Variants in THEMIS observed in about 807,000 individuals in gnomAD.
THEMIS encodes protein THEMIS.
THEMIS carries 37 observed loss-of-function variants against 52.6 expected under a neutral mutation model. That is an observed-to-expected ratio of 0.70 (90% CI 0.54 to 0.93). THEMIS has a LOEUF of 0.93. Ranked by LOEUF, THEMIS falls within the 40% of genes least tolerant of loss-of-function variation. The pLI, the probability that THEMIS is intolerant of heterozygous loss-of-function variation, is 0.00. For missense variants in THEMIS, 808 were observed against 763.1 expected, an observed-to-expected ratio of 1.06 and a Z score of -0.69; for synonymous variants, 292 against 272.7, an observed-to-expected ratio of 1.07 and a Z score of -0.70.
chr6:127,714,905 T>C (rs1269859154), intron 5 of THEMIS, among the ~76,000 whole-genome samples: 1 of 151,876 alleles, frequency 6.6e-6, no homozygotes, highest in Non-Finnish European at 1.5e-5. Flanking sequence ...GCTGATGAGA[T>C]CTCCCATTGG....
intron 4 of THEMIS, among the ~76,000 whole-genome samples, chr6:127,776,956 C>T (rs994186835): frequency 1.3e-5 from 2 of 151,976 alleles, no homozygotes; most frequent in Non-Finnish European, 2.9e-5. Flanking sequence ...CCCTAAAGTC[C>T]ATTTTATATG....
In THEMIS at chr6:127,813,180, GTC is replaced by G. The variant is rs764985194; in HGVS notation, c.1459_1460del (p.Asp487LeufsTer7). 2.0e-5 allele frequency: 32 copies of G among 1,613,976 alleles called. No homozygotes were observed. Among genetic ancestry groups the G allele is most frequent in the Non-Finnish European group, 2.6e-5 (31 of 1,180,022 alleles). On this transcript the variant is annotated frameshift_variant, in exon 4 of 6. Transcript: ENST00000368248. LOFTEE classifies it high-confidence loss of function. ...PGLQLEEDITDSYLLISDFAN... is the reference protein window; with the variant it reads ...PGLQLEEDITXSYLLISDFAN... ...CAAAGTCACTTATGAGTAGGTAAGA[GTC>G]TGTAATGTCCTCCTCCAACTGCAGT...
At chr6:127,785,218 T>TC (rs1776898992) in intron 4 of THEMIS, among the ~76,000 whole-genome samples, 1 of 81,464 alleles carries the variant, frequency 1.2e-5, no homozygotes, top group African/African-American at 5.1e-5. Context: ...CTATTATCTA[T>TC]CTTATCTATC....
chr6:127,816,501 C>T (rs1243294108), intron 3 of THEMIS, among the ~76,000 whole-genome samples: 1 of 152,194 alleles, frequency 6.6e-6, no homozygotes, highest in Admixed American at 6.5e-5. Context: ...TTCCCAGACT[C>T]AGCTATTGGA....
intron 4 of THEMIS, among the ~76,000 whole-genome samples, chr6:127,729,852 G>T (rs1192298041): frequency 6.6e-6 from 1 of 152,150 alleles, no homozygotes; most frequent in Non-Finnish European, 1.5e-5. Flanking sequence ...ATCCAAACAG[G>T]AAAAGTATAT....
chr6:127,855,948 A>G (rs975318697), intron 1 of THEMIS, among the ~76,000 whole-genome samples: 2 of 151,952 alleles, frequency 1.3e-5, no homozygotes, highest in Non-Finnish European at 2.9e-5. Context: ...CAGAGGCAAA[A>G]ATTCTGGATA....
intron 2 of THEMIS, among the ~76,000 whole-genome samples, chr6:127,831,059 T>C (rs943111746): frequency 1.3e-5 from 2 of 152,222 alleles, no homozygotes; most frequent in African/African-American, 4.8e-5. Flanking sequence ...GACTGACTGC[T>C]CTTGACTATA....
At chr6:127,870,219 T>A (rs1286659263) in intron 1 of THEMIS, among the ~76,000 whole-genome samples, 1 of 152,104 alleles carries the variant, frequency 6.6e-6, no homozygotes, top group East Asian at 1.9e-4. Context: ...CCGCATGATG[T>A]AAGGGGTGGC....
chr6:127,798,033 G>A (rs571823404), intron 4 of THEMIS, among the ~76,000 whole-genome samples: 2 of 152,188 alleles, frequency 1.3e-5, no homozygotes, highest in Admixed American at 6.5e-5. Context: ...GTGTACATAC[G>A]CATATGTGTT....
chr6:127,902,138 A>C (rs1221396196), upstream of THEMIS, among the ~76,000 whole-genome samples: 2 of 151,724 alleles, frequency 1.3e-5, no homozygotes, highest in Non-Finnish European at 2.9e-5. Context: ...CAGCCTGGGC[A>C]ACATAGTGAG....
chr6:127,821,499 G>A (rs932536840), intron 3 of THEMIS, among the ~76,000 whole-genome samples: 5 of 151,994 alleles, frequency 3.3e-5, no homozygotes, highest in African/African-American at 1.2e-4. Flanking sequence ...TATCCTTGCT[G>A]GGTATGTTTT....
intron 4 of THEMIS, among the ~76,000 whole-genome samples, chr6:127,794,250 T>C (rs1353730164): frequency 6.6e-6 from 1 of 152,198 alleles, no homozygotes; most frequent in East Asian, 1.9e-4. Flanking sequence ...GGACTTTCTG[T>C]TTCCATTCTT....
chr6:127,874,499 T>C (rs138687703), intron 1 of THEMIS, among the ~76,000 whole-genome samples: 129 of 152,328 alleles, frequency 8.5e-4, no homozygotes, highest in African/African-American at 2.9e-3. Context: ...CATACCTAAT[T>C]TTCTTAGTTT....
intron 4 of THEMIS, among the ~76,000 whole-genome samples, chr6:127,760,201 T>C (rs1325132531): frequency 1.3e-5 from 2 of 152,072 alleles, no homozygotes; most frequent in African/African-American, 4.8e-5. Context: ...CATATATGTG[T>C]AGATTTACTT....
In THEMIS at chr6:127,836,923, G is replaced by T. The variant is rs753128829; in HGVS notation, c.251-6989C>A. On this transcript the variant is annotated intron_variant, in intron 2 of 5. Coordinates refer to ENST00000368248, the MANE Select transcript of THEMIS (RefSeq NM_001010923.3). The stretch of plus-strand genomic sequence containing the variant: ...AGATGAATTTCTTCAGAGCACTGGG[G>T]GGTCTCGTGCAAGTAACTCCTATGG... Among the ~76,000 whole-genome samples, 44 of 152,190 alleles carry T rather than the reference G, an allele frequency of 2.9e-4. No homozygotes were observed. In the South Asian group the frequency reaches 3.5e-3, roughly 12 times the overall value.
chr6:127,861,083 A>G (rs1388812974), intron 1 of THEMIS, among the ~76,000 whole-genome samples: 1 of 152,250 alleles, frequency 6.6e-6, no homozygotes, highest in East Asian at 1.9e-4. Flanking sequence ...TTGATCAAAT[A>G]TTTCCCATAT....
chr6:127,849,040 A>T (rs1779325641), intron 2 of THEMIS, among the ~76,000 whole-genome samples: 6 of 152,052 alleles, frequency 3.9e-5, no homozygotes, highest in Admixed American at 3.9e-4. Flanking sequence ...GTTTTCTTCT[A>T]GGGTTTTTAT....
chr6:127,763,815 G>A (rs1158347633), intron 4 of THEMIS, among the ~76,000 whole-genome samples: 1 of 151,834 alleles, frequency 6.6e-6, no homozygotes, highest in East Asian at 1.9e-4. Context: ...TGAAACTGAT[G>A]ATATTTTGTA....
chr6:127,732,222 A>T (rs181534070), intron 4 of THEMIS, among the ~76,000 whole-genome samples: 4 of 152,000 alleles, frequency 2.6e-5, no homozygotes, highest in South Asian at 4.2e-4. Flanking sequence ...GTTTTTTGTC[A>T]CTATGAGTGT....
Sources: gnomAD v4.1 joint callset for allele counts (sites outside exome capture counted in the v4.1 genomes callset) on GRCh38, gnomAD v4.1.1 for gene constraint, MANE v1.5 for transcripts, NCBI Gene and HGNC (gene_info 2026-07-23, HGNC 2026-07-21) for gene names.